The following TRAPPC9 variants were observed in gnomAD, a reference collection of about 807,000 sequenced individuals.
The protein encoded by TRAPPC9 is trafficking protein particle complex subunit 9.
Under a neutral mutation model 124.0 loss-of-function variants are expected in TRAPPC9, and 83 were observed. That is an observed-to-expected ratio of 0.67 (90% CI 0.56 to 0.80). The LOEUF (loss-of-function observed/expected upper bound fraction) is 0.80. Ranked by LOEUF, TRAPPC9 falls within the 30% of genes least tolerant of loss-of-function variation. The pLI, the probability that TRAPPC9 is intolerant of heterozygous loss-of-function variation, is 0.00. For missense variants in TRAPPC9, 1,302 were observed against 1,508.3 expected (o/e 0.86, Z 2.27); for synonymous variants, 638 against 617.5 (o/e 1.03, Z -0.49).
At chr8:139,859,856 T>C (rs1828020184) in intron 21 of TRAPPC9, among the ~76,000 whole-genome samples, 1 of 152,266 alleles carries the variant, frequency 6.6e-6, no homozygotes, top group Non-Finnish European at 1.5e-5. Context: ...GGAAGGGACC[T>C]GCTCTGCTAA....
chr8:140,315,921 AT>A (rs1370365156), intron 9 of TRAPPC9, among the ~76,000 whole-genome samples: 4 of 152,180 alleles, frequency 2.6e-5, no homozygotes, highest in African/African-American at 7.2e-5. Flanking sequence ...AGTGTACATT[AT>A]CAGTAATAAT....
chr8:139,729,180 T>C lies in TRAPPC9; in HGVS notation c.*1881A>G, dbSNP rs150971287. On this transcript the variant is annotated 3_prime_UTR_variant, in exon 23 of 23. Transcript: ENST00000438773. Reference sequence around the variant, plus strand: ...GTCACTCTTCTACAGGGGATGTGTATCCTTTCTACCTTTTAAACATGTTGT... The same window carrying C: ...GTCACTCTTCTACAGGGGATGTGTACCCTTTCTACCTTTTAAACATGTTGT... 5.4e-3 allele frequency among the ~76,000 whole-genome samples: 816 copies of C among 152,352 alleles called. 4 individuals carry two copies. Among genetic ancestry groups the C allele is most frequent in the African/African-American group, 0.018 (761 of 41,580 alleles).
chr8:140,369,015 C>A lies in TRAPPC9; in HGVS notation c.1351+1949G>T, dbSNP rs538787014. Among the ~76,000 whole-genome samples the A allele has an allele frequency of 4.6e-5, 7 of 152,352 alleles. No individual in the cohort carries two copies. In the South Asian group the frequency reaches 1.4e-3, roughly 32 times the overall value. ...CACAGTTCCATGGTGTGCGTGCCGT[C>A]CATGGCTGCTTTCACACCACAACAG... On this transcript the variant is annotated intron_variant, in intron 8 of 22. Coordinates refer to ENST00000438773, the MANE Select transcript of TRAPPC9 (RefSeq NM_001160372.4).
rs1010332549 is a variant in TRAPPC9, at chr8:139,742,468, C to G, written c.3056-10266G>C. ...TCACATTTTGGAGCCTGGGGCCAGA[C>G]AGCAGGCCAGGGCTGAAGCTGGAAG... On this transcript the variant is annotated intron_variant, in intron 21 of 22. Coordinates refer to ENST00000438773, the MANE Select transcript of TRAPPC9 (RefSeq NM_001160372.4). This position sits in a 1 kb window ranked among gnomAD's most constrained non-coding sequence, Gnocchi z 4.7. Among the ~76,000 whole-genome samples, 2 of 152,200 alleles carry G rather than the reference C, an allele frequency of 1.3e-5. No homozygotes were observed. The highest frequency in any genetic ancestry group is 2.4e-5 in the African/African-American group (1 of 41,444).
intron 14 of TRAPPC9, among the ~76,000 whole-genome samples, chr8:140,277,213 A>C (rs138831792): frequency 6.6e-6 from 1 of 152,378 alleles, no homozygotes; most frequent in East Asian, 1.9e-4. Context: ...GGTGCCGGGC[A>C]CGTGTTTCCT....
At chr8:140,115,234 T>C (rs2060856000) in intron 17 of TRAPPC9, among the ~76,000 whole-genome samples, 2 of 152,084 alleles carry the variant, frequency 1.3e-5, no homozygotes, top group Non-Finnish European at 1.5e-5. Context: ...TACAACCTAA[T>C]ACAATGTAAG....
chr8:140,248,181 G>C (rs2064032743), intron 16 of TRAPPC9, among the ~76,000 whole-genome samples: 1 of 152,128 alleles, frequency 6.6e-6, no homozygotes, highest in African/African-American at 2.4e-5. Flanking sequence ...GTGTTTGGGG[G>C]TGGTACTCAA....
In TRAPPC9 at chr8:140,242,984, C is replaced by T. The variant is rs1032844740; in HGVS notation, c.2431+9793G>A. On this transcript the variant is annotated intron_variant, in intron 16 of 22. Transcript: ENST00000438773. ...AGAGTAAGGAGTAGCCAGAGAGAAA[C>T]CCATGGTTTAGAAGAGGATTTGGGC... Among the ~76,000 whole-genome samples, 15 of 152,124 alleles carry T rather than the reference C, an allele frequency of 9.9e-5. 1 individual carries two copies. In the South Asian group the frequency reaches 2.5e-3, roughly 25 times the overall value.
intron 18 of TRAPPC9, among the ~76,000 whole-genome samples, chr8:139,999,557 C>A (rs934035849): frequency 5.9e-5 from 9 of 151,814 alleles, no homozygotes; most frequent in African/African-American, 2.2e-4. Context: ...TAAACACCAC[C>A]AACCACTTCA....
intron 15 of TRAPPC9, among the ~76,000 whole-genome samples, chr8:140,271,022 T>A (rs62527534): frequency 0.13 from 19,936 of 152,226 alleles, 2,048 homozygotes; most frequent in African/African-American, 0.29. Context: ...TTATTTGAGG[T>A]AAGGAAAAAA....
At chr8:140,187,722 T>G (rs575755709) in intron 17 of TRAPPC9, among the ~76,000 whole-genome samples, 3 of 152,310 alleles carry the variant, frequency 2.0e-5, no homozygotes, top group Middle Eastern at 3.4e-3. Flanking sequence ...TCACCCAGGC[T>G]GGAGTACAGT....
intron 21 of TRAPPC9, among the ~76,000 whole-genome samples, chr8:139,763,755 G>C (rs1021414589): frequency 6.6e-6 from 1 of 152,254 alleles, no homozygotes; most frequent in African/African-American, 2.4e-5. Flanking sequence ...CGTGGGTCAG[G>C]GGAGACGAGG....
In TRAPPC9 at chr8:140,087,157, G is replaced by C. The variant is rs1023406692; in HGVS notation, c.2557-63078C>G. Among the ~76,000 whole-genome samples the C allele has an allele frequency of 5.9e-5, 9 of 152,292 alleles. No homozygotes were observed. The highest frequency in any genetic ancestry group is 5.9e-4 in the Admixed American group (9 of 15,300). ...TGTCTTCCTGACGTTCTCAGCAGCT[G>C]TCATTTGCTCCTAAGCCACGCCCCA... On this transcript the variant is annotated intron_variant, in intron 17 of 22. Transcript: ENST00000438773. The surrounding 1 kb of genome is among the most constrained non-coding windows in gnomAD (Gnocchi z 4.6).
Position 139,730,783 on chromosome 8 carries a change from G to A in TRAPPC9, c.*278C>T, listed in dbSNP as rs1224346097. ...TGCAGGGATCCTGGGACCTGGGCTG[G>A]ATGGGCACCCGCTTTGGGATTTCCT... is the stretch of plus-strand genomic sequence containing the variant. On this transcript the variant is annotated 3_prime_UTR_variant, in exon 23 of 23. Coordinates refer to ENST00000438773, the MANE Select transcript of TRAPPC9 (RefSeq NM_001160372.4). 2.0e-6 allele frequency: 1 copy of A among 494,548 alleles called. No homozygotes were observed. Among genetic ancestry groups the A allele is most frequent in the African/African-American group, 1.9e-5 (1 of 51,776 alleles). 30.6% of individuals were successfully genotyped at this position (494,548 alleles called of 1,614,324 possible).
At chr8:140,020,935 C>A (rs1376432189) in intron 18 of TRAPPC9, among the ~76,000 whole-genome samples, 2 of 152,308 alleles carry the variant, frequency 1.3e-5, no homozygotes, top group East Asian at 1.9e-4. Context: ...TTAAGATACC[C>A]AAACCAACTA....
chr8:140,151,658 C>T (rs755688471), intron 17 of TRAPPC9, among the ~76,000 whole-genome samples: 5 of 152,158 alleles, frequency 3.3e-5, no homozygotes, highest in Non-Finnish European at 7.3e-5. Context: ...TGTAAGATCA[C>T]ATTCTGAGGT....
At chr8:140,076,365 G>T (rs772009463) in intron 17 of TRAPPC9, among the ~76,000 whole-genome samples, 2 of 152,168 alleles carry the variant, frequency 1.3e-5, no homozygotes, top group Admixed American at 6.5e-5. Flanking sequence ...TGACACCACC[G>T]TGAGAGCTGC....
In TRAPPC9 at chr8:139,893,459, G is replaced by T. The variant is rs192686916; in HGVS notation, c.2965-7490C>A. Among the ~76,000 whole-genome samples the T allele has an allele frequency of 2.6e-5, 4 of 152,324 alleles. No homozygotes were observed. In the East Asian group the frequency reaches 7.7e-4, roughly 29 times the overall value. On this transcript the variant is annotated intron_variant, in intron 20 of 22. Coordinates refer to ENST00000438773, the MANE Select transcript of TRAPPC9 (RefSeq NM_001160372.4). ...CGGTCTGCACAATGCTCTTTCGAGC[G>T]TGATCCAGCAATGCTGCAGTTGGCA...
intron 19 of TRAPPC9, among the ~76,000 whole-genome samples, chr8:139,975,282 C>G (rs1316395176): frequency 6.6e-6 from 1 of 152,350 alleles, no homozygotes; most frequent in East Asian, 1.9e-4. Context: ...CTCCGCATTT[C>G]GCTAGCACAC....
Sources: allele counts gnomAD v4.1 joint callset (sites outside exome capture counted in the v4.1 genomes callset), GRCh38; gene constraint gnomAD v4.1.1; non-coding constraint Gnocchi (gnomAD v3.1); transcripts MANE v1.5; gene names NCBI Gene and HGNC (gene_info 2026-07-23, HGNC 2026-07-21).